AKAP6: variants seen among roughly 807,000 people sequenced by gnomAD.
AKAP6 encodes A-kinase anchor protein 6.
A neutral mutation model predicts 188.5 loss-of-function variants in AKAP6; 58 were observed. That is an observed-to-expected ratio of 0.31 (90% confidence interval 0.25 to 0.38). The LOEUF (loss-of-function observed/expected upper bound fraction) is 0.38. Among genes scored for constraint, AKAP6 ranks in the 10% least tolerant of loss-of-function variants. AKAP6 has a pLI of 1.00. For synonymous variants in AKAP6, 989 were observed against 998.6 expected, an observed-to-expected ratio of 0.99 and a Z score of 0.18; for missense variants, 2,710 against 2,740.0, an observed-to-expected ratio of 0.99 and a Z score of 0.24.
At chr14:32,340,088 G>A (rs908929435) in intron 1 of AKAP6, among the ~76,000 whole-genome samples, 6 of 151,674 alleles carry the variant, frequency 4.0e-5, no homozygotes, top group African/African-American at 1.5e-4. Context: ...GACATCTTGG[G>A]AGAAGGCAGT....
In AKAP6 at chr14:32,680,083, T is replaced by C. The variant is rs368006964; in HGVS notation, c.2879+1624T>C. Among the ~76,000 whole-genome samples, 4 of 152,290 alleles carry C rather than the reference T, an allele frequency of 2.6e-5. No homozygotes were observed. The East Asian group carries it at 7.7e-4, about 29-fold the overall frequency. ...AGGGACCCAATCTGAGCACTCACTCTGGGCTCCACAAATCATAAATCTGCC... is the reference window on the plus strand; with the variant it reads ...AGGGACCCAATCTGAGCACTCACTCCGGGCTCCACAAATCATAAATCTGCC... On this transcript the variant is annotated intron_variant, in intron 8 of 13. Transcript: ENST00000280979.
intron 13 of AKAP6, among the ~76,000 whole-genome samples, chr14:32,825,674 A>T (rs569547809): frequency 5.3e-5 from 8 of 152,294 alleles, no homozygotes; most frequent in African/African-American, 1.9e-4. Context: ...AGCCCCAGTG[A>T]TGAATATGCT....
chr14:32,500,770 C>T (rs1880571282), intron 2 of AKAP6, among the ~76,000 whole-genome samples: 1 of 152,082 alleles, frequency 6.6e-6, no homozygotes, highest in African/African-American at 2.4e-5. Flanking sequence ...GCTAGTTATG[C>T]CAGATGTTTC....
chr14:32,786,305 T>TTTTTTTTTTTTTTTTTG (rs1566710242), intron 12 of AKAP6, among the ~76,000 whole-genome samples: 1 of 75,980 alleles, frequency 1.3e-5, no homozygotes, highest in Non-Finnish European at 2.6e-5. Flanking sequence ...TATCTTTTTT[T>TTTTTTTTTTTTTTTTTG]TTTTTTTTTT....
chr14:32,739,710 T>C (rs1392770367), intron 11 of AKAP6, among the ~76,000 whole-genome samples: 2 of 152,292 alleles, frequency 1.3e-5, no homozygotes, highest in Middle Eastern at 3.4e-3. Flanking sequence ...TCTCATTCTT[T>C]TTTATAGCTG....
At chr14:32,520,412 G>T (rs1223712279) in intron 2 of AKAP6, among the ~76,000 whole-genome samples, 2 of 152,254 alleles carry the variant, frequency 1.3e-5, no homozygotes, top group East Asian at 3.9e-4. Context: ...CCAGGAGCTG[G>T]TTTTTTGAAA....
At chr14:32,492,355 T>TATATAGAGAGAGAGAG in intron 2 of AKAP6, among the ~76,000 whole-genome samples, 75 of 82,604 alleles carry the variant, frequency 9.1e-4, no homozygotes, top group East Asian at 7.9e-3. Flanking sequence ...TATATATATA[T>TATATAGAGAGAGAGAG]AGAGAGAGAG....
intron 5 of AKAP6, among the ~76,000 whole-genome samples, chr14:32,596,226 C>A (rs10483413): frequency 1.3e-5 from 2 of 152,038 alleles, no homozygotes; most frequent in African/African-American, 4.8e-5. Flanking sequence ...TCCATCAAGG[C>A]GTATATTTCC....
At chr14:32,621,736 C>T (rs191824677) in intron 7 of AKAP6, among the ~76,000 whole-genome samples, 1 of 152,044 alleles carries the variant, frequency 6.6e-6, no homozygotes, top group East Asian at 1.9e-4. Flanking sequence ...TGACTTTCTC[C>T]CTTAATGATT....
At chr14:32,403,642 G>A (rs998355497) in intron 1 of AKAP6, among the ~76,000 whole-genome samples, 2 of 152,152 alleles carry the variant, frequency 1.3e-5, no homozygotes, top group Non-Finnish European at 2.9e-5. Context: ...TGTAAGATGG[G>A]AATAGTTATA....
At chr14:32,504,528 C>T (rs1489096399) in intron 2 of AKAP6, among the ~76,000 whole-genome samples, 1 of 152,218 alleles carries the variant, frequency 6.6e-6, no homozygotes, top group African/African-American at 2.4e-5. Context: ...AATCTCCCCA[C>T]CTCGGCCTCC....
At chr14:32,529,269 G>A (rs1339910815) in intron 2 of AKAP6, among the ~76,000 whole-genome samples, 1 of 152,074 alleles carries the variant, frequency 6.6e-6, no homozygotes, top group African/African-American at 2.4e-5. Flanking sequence ...TATTCCAATT[G>A]TTCATTGCTG....
chr14:32,348,420 T>TTTTTTC (rs1555319587), intron 1 of AKAP6, among the ~76,000 whole-genome samples: 80 of 131,120 alleles, frequency 6.1e-4, no homozygotes, highest in Middle Eastern at 3.6e-3. Context: ...TTTGTTTCTT[T>TTTTTTC]TTTTTTTTTT....
At chr14:32,811,859 T>C (rs2034245182) in intron 12 of AKAP6, among the ~76,000 whole-genome samples, 1 of 152,220 alleles carries the variant, frequency 6.6e-6, no homozygotes, top group Non-Finnish European at 1.5e-5. Context: ...GAATCTTGTG[T>C]TCTTGAAACT....
At position 32,532,418 on chromosome 14, in the gene AKAP6, A is replaced by G. The variant is rs145382467; in HGVS notation, c.325-3136A>G. 1.2e-3 allele frequency among the ~76,000 whole-genome samples: 190 copies of G among 152,286 alleles called. 1 individual carries two copies. The highest frequency in any genetic ancestry group is 4.4e-3 in the African/African-American group (181 of 41,560). ...GATGTGAAAACCTAAGTTAACTGGC[A>G]CCAATGATACCTTAGTGCCCTTTAT... On this transcript the variant is annotated intron_variant, in intron 2 of 13. Coordinates refer to ENST00000280979, the MANE Select transcript of AKAP6 (RefSeq NM_004274.5).
chr14:32,540,862 T>G (rs1015404076), intron 3 of AKAP6, among the ~76,000 whole-genome samples: 3 of 149,742 alleles, frequency 2.0e-5, no homozygotes, highest in Admixed American at 6.7e-5. Flanking sequence ...TTGCTTTGTT[T>G]TTTTTTTCAG....
chr14:32,712,133 A>T (rs2029900105), intron 9 of AKAP6, among the ~76,000 whole-genome samples: 1 of 152,050 alleles, frequency 6.6e-6, no homozygotes, highest in Non-Finnish European at 1.5e-5. Context: ...GGCAAATATC[A>T]TAATAAAGCA....
intron 9 of AKAP6, among the ~76,000 whole-genome samples, chr14:32,703,493 A>G (rs1890695974): frequency 6.6e-6 from 1 of 152,192 alleles, no homozygotes; most frequent in Non-Finnish European, 1.5e-5. Context: ...TTCCGGAACA[A>G]CTTGGAACAA....
chr14:32,655,793 T>A (rs1419650731), intron 7 of AKAP6, among the ~76,000 whole-genome samples: 1 of 152,136 alleles, frequency 6.6e-6, no homozygotes, highest in Non-Finnish European at 1.5e-5. Context: ...GAGATAAAAT[T>A]TTAAAAGGAG....
Sources: allele counts gnomAD v4.1 joint callset (sites outside exome capture counted in the v4.1 genomes callset), GRCh38; gene constraint gnomAD v4.1.1; transcripts MANE v1.5; gene names NCBI Gene and HGNC (gene_info 2026-07-23, HGNC 2026-07-21).